Variants in BCAS3 observed in about 807,000 individuals in gnomAD.
The protein encoded by BCAS3 is BCAS3 microtubule associated cell migration factor.
Under a neutral mutation model 116.1 loss-of-function variants are expected in BCAS3, and 53 were observed. That is an observed-to-expected ratio of 0.46 (90% CI 0.37 to 0.57). The LOEUF is 0.57. Among genes scored for constraint, BCAS3 ranks in the 20% least tolerant of loss-of-function variants. The probability of loss-of-function intolerance (pLI) is 0.00; values close to 1 mark genes in which losing one functional copy is unlikely to be tolerated. For missense variants in BCAS3, 917 were observed against 1,165.4 expected, an observed-to-expected ratio of 0.79 and a Z score of 3.10; for synonymous variants, 391 against 408.2, an observed-to-expected ratio of 0.96 and a Z score of 0.51.
chr17:61,293,306 A>G (rs1257475887), intron 22 of BCAS3, among the ~76,000 whole-genome samples: 3 of 152,128 alleles, frequency 2.0e-5, no homozygotes, highest in Non-Finnish European at 4.4e-5. Context: ...TGGAAATCTC[A>G]CTTATAGCTT....
intron 22 of BCAS3, among the ~76,000 whole-genome samples, chr17:61,185,827 A>T (rs967259494): frequency 6.6e-6 from 1 of 152,206 alleles, no homozygotes. Flanking sequence ...ACATAGTTTA[A>T]TGTTATCTCT....
chr17:60,996,599 T>C (rs1305241418), intron 15 of BCAS3, among the ~76,000 whole-genome samples: 1 of 152,178 alleles, frequency 6.6e-6, no homozygotes, highest in Non-Finnish European at 1.5e-5. Context: ...CTTTTTGACC[T>C]CCTACTGATG....
rs547611993 is a variant in BCAS3 at position 61,328,524 on chromosome 17, T to C, written c.2426-39803T>C. On this transcript the variant is annotated intron_variant, in intron 22 of 23. Transcript: ENST00000407086. ...GCTCACACCTGTAATCCCAACGCTT[T>C]GTGAGGCCGAGGCTGGCGGATCACT... Among the ~76,000 whole-genome samples, 4 of 152,314 alleles carry C rather than the reference T, an allele frequency of 2.6e-5. No individual in the cohort carries two copies. The East Asian group carries it at 7.7e-4, about 29-fold the overall frequency.
chr17:61,078,702 G>A (rs1052531500), intron 21 of BCAS3, among the ~76,000 whole-genome samples, 173 bp downstream of exon 21: 4 of 152,186 alleles, frequency 2.6e-5, no homozygotes, highest in Admixed American at 1.3e-4. Context: ...ATAGGGTCTC[G>A]TGGGATCACA....
intron 6 of BCAS3, among the ~76,000 whole-genome samples, chr17:60,782,570 A>G (rs999769325): frequency 3.4e-5 from 4 of 119,300 alleles, no homozygotes; most frequent in African/African-American, 9.3e-5. Flanking sequence ...AGTTATTATT[A>G]TTATTATTAT....
chr17:60,788,038 C>T (rs7219217), intron 6 of BCAS3, among the ~76,000 whole-genome samples: 43,451 of 151,850 alleles, frequency 0.29, 12,506 homozygotes, highest in African/African-American at 0.75. Flanking sequence ...GCACCATGCT[C>T]AGTGCTTTGC....
Position 61,032,333 on chromosome 17 carries a change from CTAGTAAAAGCACA to C in BCAS3, c.1638-2328_1638-2316del, listed in dbSNP as rs1289929190. ...GTAGCTTTGTTCTCTGATGGTGATTCTAGTAAAAGCACATAGTCGCACAATTGCAAACTGCTTT... is the reference window on the plus strand; with the variant it reads ...GTAGCTTTGTTCTCTGATGGTGATTCTAGTCGCACAATTGCAAACTGCTTT... On this transcript the variant is annotated intron_variant, in intron 16 of 23. Coordinates refer to ENST00000407086, the MANE Select transcript of BCAS3 (RefSeq NM_017679.5). This position sits in a 1 kb window ranked among gnomAD's most constrained non-coding sequence, Gnocchi z 4.6. 1.3e-5 allele frequency among the ~76,000 whole-genome samples: 2 copies of C among 152,100 alleles called. No homozygotes were observed. Among genetic ancestry groups the C allele is most frequent in the African/African-American group, 4.8e-5 (2 of 41,434 alleles).
intron 10 of BCAS3, chr17:60,891,581 A>G: frequency 2.4e-6 from 1 of 421,434 alleles, no homozygotes; most frequent in East Asian, 7.1e-5. Flanking sequence ...TGTAAAATTG[A>G]ATTAAATTTT....
rs138568696 is a variant in BCAS3, at chr17:61,167,695, C to G, written c.2425+83131C>G. Among the ~76,000 whole-genome samples the G allele has an allele frequency of 2.1e-3, 322 of 152,210 alleles. 1 individual carries two copies. Among genetic ancestry groups the G allele is most frequent in the African/African-American group, 7.2e-3 (301 of 41,530 alleles). Reference sequence around the variant, plus strand: ...AAGGAAATGACACAGAAGAGCTTTACGTACATATGCTGTGGGAGCCCAGAC... The same window carrying G: ...AAGGAAATGACACAGAAGAGCTTTAGGTACATATGCTGTGGGAGCCCAGAC... On this transcript the variant is annotated intron_variant, in intron 22 of 23. Transcript: ENST00000407086.
intron 2 of BCAS3, among the ~76,000 whole-genome samples, chr17:60,682,526 C>T (rs981279815): frequency 2.0e-5 from 3 of 151,790 alleles, no homozygotes; most frequent in Admixed American, 6.6e-5. Flanking sequence ...TTGATTTTTT[C>T]GTTGTTGTTT....
chr17:61,176,164 A>AAAAAAAAAAAAAAAAGG (rs1568511306), intron 22 of BCAS3, among the ~76,000 whole-genome samples: 2 of 149,628 alleles, frequency 1.3e-5, no homozygotes, highest in African/African-American at 4.9e-5. Context: ...AAAAAAAAGA[A>AAAAAAAAAAAAAAAAGG]AAAGAAAAAG....
At chr17:60,929,323 G>A (rs1418849793) in intron 13 of BCAS3, among the ~76,000 whole-genome samples, 1 of 152,094 alleles carries the variant, frequency 6.6e-6, no homozygotes, top group Non-Finnish European at 1.5e-5. Flanking sequence ...TACTTAATTG[G>A]GAGGCTGAGA....
chr17:61,089,610 A>G (rs560853188), intron 22 of BCAS3, among the ~76,000 whole-genome samples: 5 of 135,750 alleles, frequency 3.7e-5, no homozygotes, highest in Non-Finnish European at 7.5e-5. Flanking sequence ...GCTCACTGCA[A>G]CCTCCGCCTC....
At chr17:60,724,789 A>T (rs1244357601) in intron 5 of BCAS3, among the ~76,000 whole-genome samples, 7 of 151,728 alleles carry the variant, frequency 4.6e-5, no homozygotes, top group African/African-American at 1.5e-4. Flanking sequence ...GATTCATTAA[A>T]AAAAAAAAAA....
intron 22 of BCAS3, among the ~76,000 whole-genome samples, chr17:61,330,844 T>C (rs1208765859): frequency 1.3e-5 from 2 of 152,236 alleles, no homozygotes; most frequent in African/African-American, 4.8e-5. Context: ...TTCAGTTTCC[T>C]CATTTGCAGA....
rs2055458604 is a variant in BCAS3, at chr17:61,323,260, G to A, written c.2426-45067G>A. Among the ~76,000 whole-genome samples, 1 of 152,086 alleles carries A rather than the reference G, an allele frequency of 6.6e-6. No homozygotes were observed. The highest frequency in any genetic ancestry group is 2.1e-4 in the South Asian group (1 of 4,824). On this transcript the variant is annotated intron_variant, in intron 22 of 23. Coordinates refer to ENST00000407086, the MANE Select transcript of BCAS3 (RefSeq NM_017679.5). This position sits in a 1 kb window ranked among gnomAD's most constrained non-coding sequence, Gnocchi z 4.6. ...GAGCCCAAACTTCCCCAGGGGGAAGGACTCATTTATAACCCGTTCTGATTA... is the reference window on the plus strand; with the variant it reads ...GAGCCCAAACTTCCCCAGGGGGAAGAACTCATTTATAACCCGTTCTGATTA...
intron 22 of BCAS3, among the ~76,000 whole-genome samples, chr17:61,266,835 C>A (rs1437491983): frequency 6.6e-6 from 1 of 152,146 alleles, no homozygotes; most frequent in East Asian, 1.9e-4. Flanking sequence ...GCAAATGTCT[C>A]CACCATTATT....
intron 16 of BCAS3, among the ~76,000 whole-genome samples, chr17:61,025,953 T>C (rs1208387585): frequency 6.6e-6 from 1 of 152,088 alleles, no homozygotes; most frequent in Non-Finnish European, 1.5e-5. Context: ...AGAACCAATT[T>C]TGAAGAAGGA....
intron 22 of BCAS3, among the ~76,000 whole-genome samples, chr17:61,246,126 C>T (rs1568658160): frequency 6.6e-6 from 1 of 152,088 alleles, no homozygotes; most frequent in Non-Finnish European, 1.5e-5. Context: ...ACAACTATCA[C>T]GACCTCATAA....
Sources: allele counts gnomAD v4.1 joint callset (sites outside exome capture counted in the v4.1 genomes callset), GRCh38; gene constraint gnomAD v4.1.1; non-coding constraint Gnocchi (gnomAD v3.1); transcripts MANE v1.5; gene names NCBI Gene and HGNC (gene_info 2026-07-23, HGNC 2026-07-21).